FLT3: variants seen among roughly 807,000 people sequenced by gnomAD.
FLT3 encodes the protein receptor-type tyrosine-protein kinase FLT3.
Under a neutral mutation model 126.6 loss-of-function variants are expected in FLT3, and 46 were observed. The ratio of observed to expected loss-of-function variants is 0.36; its 90% CI spans 0.29 to 0.46. FLT3 has a LOEUF of 0.46. Ranked by LOEUF, FLT3 falls within the 20% of genes least tolerant of loss-of-function variation. The pLI is 1.00. For missense variants in FLT3, 1,069 were observed against 1,190.3 expected (o/e 0.90, Z 1.50); for synonymous variants, 404 against 434.4 (o/e 0.93, Z 0.87).
intron 3 of FLT3, among the ~76,000 whole-genome samples, chr13:28,058,215 A>AAAC (rs1431490254): frequency 4.5e-4 from 42 of 93,268 alleles, no homozygotes; most frequent in South Asian, 3.6e-3. Flanking sequence ...ATTAAAAAAA[A>AAAC]AAAACAAAAA....
At position 28,003,985 on chromosome 13, in the gene FLT3, G is replaced by GT. The variant is rs1198893383; in HGVS notation, c.*66dup. On this transcript the variant is annotated 3_prime_UTR_variant, in exon 24 of 24. Coordinates refer to ENST00000241453, the MANE Select transcript of FLT3 (RefSeq NM_004119.3). ...TTCTTTTAGTGATGAAATTAATCTT[G>GT]TTTTGGTAATCTACAGCCTGTTAGG... 6.4e-7 allele frequency: 1 copy of GT among 1,564,056 alleles called. No homozygotes were observed. Among genetic ancestry groups the GT allele is most frequent in the East Asian group, 2.3e-5 (1 of 44,356 alleles).
intron 1 of FLT3, among the ~76,000 whole-genome samples, chr13:28,091,491 G>C (rs867478822): frequency 6.6e-6 from 1 of 151,630 alleles, no homozygotes; most frequent in Non-Finnish European, 1.5e-5. Context: ...AAAGTGCTGG[G>C]ATTACAGGCG....
intron 23 of FLT3, among the ~76,000 whole-genome samples, chr13:28,004,383 G>A (rs796621807): frequency 5.8e-4 from 88 of 152,228 alleles, no homozygotes; most frequent in African/African-American, 1.6e-3. Flanking sequence ...ATAGTTCACC[G>A]TGGCCTTGAT....
intron 1 of FLT3, among the ~76,000 whole-genome samples, chr13:28,078,363 G>GTGCA (rs1449270485): frequency 6.6e-6 from 1 of 152,204 alleles, no homozygotes; most frequent in Non-Finnish European, 1.5e-5. Context: ...CTTGACTTCT[G>GTGCA]TGCACCCGCA....
At chr13:28,055,867 T>C (rs996104002) in intron 4 of FLT3, among the ~76,000 whole-genome samples, 1 of 152,090 alleles carries the variant, frequency 6.6e-6, no homozygotes, top group African/African-American at 2.4e-5. Context: ...GGCACGTATT[T>C]ACTGTCCCAC....
chr13:28,066,967 T>C (rs1204723720), intron 2 of FLT3, among the ~76,000 whole-genome samples: 2 of 152,230 alleles, frequency 1.3e-5, no homozygotes, highest in Non-Finnish European at 2.9e-5. Flanking sequence ...ATCTTCATAA[T>C]GACACCAAAT....
At chr13:28,047,463 A>C (rs1460940250) in intron 9 of FLT3, among the ~76,000 whole-genome samples, 3 of 152,202 alleles carry the variant, frequency 2.0e-5, no homozygotes, top group African/African-American at 7.2e-5. Flanking sequence ...TAATCCCAGC[A>C]CTTTGGGAGG....
chr13:28,004,590 G>A (rs903859428), intron 23 of FLT3, among the ~76,000 whole-genome samples: 1 of 152,106 alleles, frequency 6.6e-6, no homozygotes, highest in African/African-American at 2.4e-5. Context: ...TTACAGGTGT[G>A]AGCCACTACG....
intron 1 of FLT3, among the ~76,000 whole-genome samples, chr13:28,080,879 T>C (rs1878262098): frequency 6.6e-6 from 1 of 152,228 alleles, no homozygotes; most frequent in South Asian, 2.1e-4. Context: ...GTACCATTTG[T>C]TGAAAGACTG....
chr13:28,086,061 T>G (rs1217366114), intron 1 of FLT3, among the ~76,000 whole-genome samples: 2 of 152,234 alleles, frequency 1.3e-5, no homozygotes, highest in Admixed American at 6.5e-5. Flanking sequence ...AATTATGATA[T>G]TTAGATCATT....
chr13:28,098,562 G>T (rs746644781), intron 1 of FLT3, among the ~76,000 whole-genome samples: 1 of 152,136 alleles, frequency 6.6e-6, no homozygotes, highest in African/African-American at 2.4e-5. Flanking sequence ...CCGTTTGACG[G>T]TATCTACCAA....
chr13:28,035,870 A>G (rs1221471117), intron 11 of FLT3, 65 bp downstream of exon 11: 36 of 1,344,996 alleles, frequency 2.7e-5, no homozygotes, highest in East Asian at 6.9e-5. Flanking sequence ...TGTATTCATG[A>G]AAGAGTCAAT....
At chr13:28,012,126 G>A (rs2137602486) in intron 23 of FLT3, among the ~76,000 whole-genome samples, 1 of 152,230 alleles carries the variant, frequency 6.6e-6, no homozygotes, top group East Asian at 1.9e-4. Flanking sequence ...GCTTAAAGGA[G>A]CTACCATTTT....
intron 2 of FLT3, chr13:28,068,421 A>T (rs1323679134): frequency 6.6e-6 from 1 of 152,156 alleles, no homozygotes; most frequent in African/African-American, 2.4e-5. Flanking sequence ...CTGTAATCCC[A>T]GCACTTTGGG....
intron 19 of FLT3, among the ~76,000 whole-genome samples, chr13:28,019,190 C>T (rs1204484918): frequency 6.6e-6 from 1 of 152,146 alleles, no homozygotes; most frequent in Non-Finnish European, 1.5e-5. Context: ...TGGTCTCGAA[C>T]TCCTGACCTC....
intron 1 of FLT3, among the ~76,000 whole-genome samples, chr13:28,081,634 A>G (rs1878315981): frequency 6.6e-6 from 1 of 152,112 alleles, no homozygotes; most frequent in South Asian, 2.1e-4. Flanking sequence ...TCTGCAGTAT[A>G]AAGTTGAATA....
At chr13:28,099,490 T>C (rs911621731) in intron 1 of FLT3, among the ~76,000 whole-genome samples, 3 of 152,214 alleles carry the variant, frequency 2.0e-5, no homozygotes, top group African/African-American at 7.2e-5. Flanking sequence ...TTTTCTCTAT[T>C]TACCACAGAG....
chr13:28,075,072 A>C lies in FLT3; in HGVS notation c.44-4460T>G, dbSNP rs7322165. Among the ~76,000 whole-genome samples the C allele has an allele frequency of 2.0e-5, 3 of 152,262 alleles. No homozygotes were observed. In the South Asian group the frequency reaches 6.2e-4, roughly 32 times the overall value. On this transcript the variant is annotated intron_variant, in intron 1 of 23. Transcript: ENST00000241453. ...TGCCCACATCTAACCTTTTTTAATG[A>C]GATTGCTCATTTTAAAAAGTATTGA... is the stretch of plus-strand genomic sequence containing the variant.
chr13:28,060,543 C>A (rs189097946), intron 3 of FLT3, among the ~76,000 whole-genome samples: 1 of 150,352 alleles, frequency 6.7e-6, no homozygotes, highest in Non-Finnish European at 1.5e-5. Context: ...GCCAGCCACT[C>A]ACTGCTTTCT....
Sources: allele counts gnomAD v4.1 joint callset (sites outside exome capture counted in the v4.1 genomes callset), GRCh38; gene constraint gnomAD v4.1.1; transcripts MANE v1.5; gene names NCBI Gene and HGNC (gene_info 2026-07-23, HGNC 2026-07-21).